The following SVIL variants were observed in gnomAD, a reference collection of about 807,000 sequenced individuals.
The protein encoded by SVIL is archvillin.
Under a neutral mutation model 240.4 loss-of-function variants are expected in SVIL, and 101 were observed. The ratio of observed to expected loss-of-function variants is 0.42; its 90% confidence interval spans 0.36 to 0.50. The LOEUF (loss-of-function observed/expected upper bound fraction) is 0.50. Ranked by LOEUF, SVIL falls within the 20% of genes least tolerant of loss-of-function variation. The probability of loss-of-function intolerance (pLI) is 0.01; values close to 1 mark genes in which losing one functional copy is unlikely to be tolerated. For synonymous variants in SVIL, 999 were observed against 1,100.0 expected (o/e 0.91, Z 1.82); for missense variants, 2,512 against 2,818.7 (o/e 0.89, Z 2.46).
At position 29,533,019 on chromosome 10, in the gene SVIL, C is replaced by T. The variant is rs762413149; in HGVS notation, c.1348G>A (p.Glu450Lys). 3.0e-5 allele frequency: 49 copies of T among 1,613,996 alleles called. No individual in the cohort carries two copies. Among genetic ancestry groups the T allele is most frequent in the Non-Finnish European group, 3.6e-5 (43 of 1,180,028 alleles). ...GCCAGTAGGGTTTTCTTGCTTTGCT[C>T]GAGAGCTTCAGTGAAGCACACATCT... ...EEDVCFTEAL[E>K]QSKKTLLALE... is the part of the protein sequence containing the mutation. Residue 450 changes from glutamate (E) to lysine (K), a missense_variant, in exon 8 of 38, where the codon GAG (glutamate) becomes AAG (lysine). Physicochemically the swap from Glu to Lys is moderately conservative, Grantham distance 56. Around this residue, in one of 3 missense-constraint regions of SVIL, gnomAD observed 1,443 missense variants for 1,486.6 expected, o/e 0.97. Coordinates refer to ENST00000355867, the MANE Select transcript of SVIL (RefSeq NM_021738.3).
At chr10:29,535,939 A>T in intron 7 of SVIL, 50 bp downstream of exon 7, 1 of 1,592,394 alleles carries the variant, frequency 6.3e-7, no homozygotes, top group Non-Finnish European at 8.6e-7. Flanking sequence ...GTCAGGCAGG[A>T]GGAAGCAACA....
intron 1 of SVIL, among the ~76,000 whole-genome samples, chr10:29,686,904 C>A (rs1272884496): frequency 6.6e-6 from 1 of 152,134 alleles, no homozygotes. Flanking sequence ...TTGATTGAAT[C>A]CACTTTAACC....
At chr10:29,624,405 G>A (rs2132927535) in intron 1 of SVIL, among the ~76,000 whole-genome samples, 1 of 152,256 alleles carries the variant, frequency 6.6e-6, no homozygotes, top group Non-Finnish European at 1.5e-5. Flanking sequence ...GGGTGTGGTG[G>A]CACACACCTG....
chr10:29,564,549 T>G (rs1420913439), intron 2 of SVIL, among the ~76,000 whole-genome samples: 1 of 152,092 alleles, frequency 6.6e-6, no homozygotes, highest in Non-Finnish European at 1.5e-5. Context: ...TCGGGTGCAT[T>G]TCCATAGAGG....
At chr10:29,515,964 C>T (rs533829636) in intron 16 of SVIL, among the ~76,000 whole-genome samples, 64 of 152,208 alleles carry the variant, frequency 4.2e-4, no homozygotes, top group South Asian at 1.0e-3. Context: ...CCCATTCTGA[C>T]GGACAAGGAA....
intron 3 of SVIL, chr10:29,647,337 T>C (rs1251120108): frequency 6.6e-6 from 1 of 152,224 alleles, no homozygotes; most frequent in African/African-American, 2.4e-5. Flanking sequence ...TTTTCTTTTT[T>C]TTCTTTTTTG....
chr10:29,708,864 A>G (rs1963087521), intron 1 of SVIL, among the ~76,000 whole-genome samples: 2 of 152,120 alleles, frequency 1.3e-5, no homozygotes, highest in South Asian at 4.1e-4. Flanking sequence ...CAATAGAACA[A>G]AAACAAACTC....
intron 1 of SVIL, among the ~76,000 whole-genome samples, chr10:29,582,689 G>A (rs1197931863): frequency 6.6e-6 from 1 of 151,640 alleles, no homozygotes; most frequent in African/African-American, 2.4e-5. Context: ...CTTTGATCAT[G>A]CTACTACACT....
At chr10:29,693,279 A>T (rs1961655470) in intron 1 of SVIL, among the ~76,000 whole-genome samples, 1 of 148,044 alleles carries the variant, frequency 6.8e-6, no homozygotes, top group African/African-American at 2.5e-5. Flanking sequence ...GCATGACACT[A>T]TAGGACCTCT....
chr10:29,576,198 G>C (rs1955688338), intron 1 of SVIL: 2 of 834,922 alleles, frequency 2.4e-6, no homozygotes, highest in Non-Finnish European at 2.9e-6. Context: ...ACACTCATAA[G>C]AATGACAATC....
intron 1 of SVIL, among the ~76,000 whole-genome samples, chr10:29,581,001 T>C (rs1955921802): frequency 6.6e-6 from 1 of 152,234 alleles, no homozygotes. Flanking sequence ...TGACTAGCAG[T>C]TGTCTGAATA....
At chr10:29,544,488 C>T (rs1952452197) in intron 6 of SVIL, among the ~76,000 whole-genome samples, 1 of 152,148 alleles carries the variant, frequency 6.6e-6, no homozygotes, top group Non-Finnish European at 1.5e-5. Context: ...GGCCCGGTGG[C>T]TCACACGTGT....
chr10:29,634,935 G>C lies in SVIL; in HGVS notation c.-716C>G, dbSNP rs956794275. ...CTGGGCAAATCCACATGAAACCTGA[G>C]GACACTTCAGCCTGGGGAGGACGCA... On this transcript the variant is annotated 5_prime_UTR_variant, in exon 1 of 38. Coordinates refer to ENST00000355867, the MANE Select transcript of SVIL (RefSeq NM_021738.3). 1 of 152,164 alleles carries C rather than the reference G, an allele frequency of 6.6e-6. No individual in the cohort carries two copies. Among genetic ancestry groups the C allele is most frequent in the East Asian group, 1.9e-4 (1 of 5,194 alleles). The allele number at this position is 152,164 out of a possible 1,614,324, so 9.4% of individuals were successfully genotyped here.
At chr10:29,532,226 G>T in intron 8 of SVIL, 54 bp from the exon 9 acceptor site, 1 of 1,585,592 alleles carries the variant, frequency 6.3e-7, no homozygotes. Context: ...GACAGAGAAA[G>T]AGAAGATGGC....
intron 1 of SVIL, among the ~76,000 whole-genome samples, chr10:29,693,083 A>G (rs910356517): frequency 2.0e-5 from 3 of 152,056 alleles, no homozygotes; most frequent in African/African-American, 7.2e-5. Context: ...AATGGCAGGC[A>G]CTCCGAGTGT....
intron 2 of SVIL, among the ~76,000 whole-genome samples, chr10:29,667,432 A>G (rs1273126721): frequency 6.6e-6 from 1 of 152,174 alleles, no homozygotes; most frequent in East Asian, 1.9e-4. Flanking sequence ...AGAAAACAGC[A>G]GTCGTTGCCA....
rs766801569 is a variant in SVIL, at chr10:29,533,047, T to C, written c.1320A>G (p.Glu440=). ...EEGEGEGEEK[E]EDVCFTEALE... is the part of the protein sequence containing the mutation. ...GAGCTTCAGTGAAGCACACATCTTC[T>C]TCTTTTTCTTCTCCTTCTCCTTCCC... Residue 440 remains glutamate, a synonymous_variant, in exon 8 of 38, where the codon GAA becomes GAG. Coordinates refer to ENST00000355867, the MANE Select transcript of SVIL (RefSeq NM_021738.3). 11 of 1,614,126 alleles carry C rather than the reference T, an allele frequency of 6.8e-6. 1 individual carries two copies. The Admixed American group carries it at 1.7e-4, about 24-fold the overall frequency.
chr10:29,610,537 A>G (rs917093316), intron 1 of SVIL, among the ~76,000 whole-genome samples: 1 of 144,730 alleles, frequency 6.9e-6, no homozygotes, highest in African/African-American at 2.6e-5. Context: ...TGCAACCTCC[A>G]CTTCCTGGGT....
At chr10:29,643,240 A>G (rs1359690300) in intron 3 of SVIL, among the ~76,000 whole-genome samples, 1 of 152,220 alleles carries the variant, frequency 6.6e-6, no homozygotes, top group Non-Finnish European at 1.5e-5. Context: ...AAGTAAGACA[A>G]CAACACTCTC....
Sources: gnomAD v4.1 joint callset for allele counts (sites outside exome capture counted in the v4.1 genomes callset) on GRCh38, gnomAD v4.1.1 for gene constraint, gnomAD v4.1.1 regional missense constraint, MANE v1.5 for transcripts, NCBI Gene and HGNC (gene_info 2026-07-23, HGNC 2026-07-21) for gene names.